Variants in SSC5D observed in about 807,000 individuals in gnomAD.
SSC5D encodes the protein soluble scavenger receptor cysteine-rich domain-containing protein SSC5D.
Under a neutral mutation model 104.6 loss-of-function variants are expected in SSC5D, and 106 were observed. That is an observed-to-expected ratio of 1.01 (90% CI 0.87 to 1.19). The LOEUF (loss-of-function observed/expected upper bound fraction) is 1.19. SSC5D is among the 50% of genes most tolerant of loss of function. The pLI is 0.00. For synonymous variants in SSC5D, 860 were observed against 883.5 expected (o/e 0.97, Z 0.47); for missense variants, 1,993 against 2,153.8 (o/e 0.93, Z 1.48).
intron 7 of SSC5D, 79 bp downstream of exon 7, chr19:55,493,991 G>GGGGGGGGC: frequency 3.3e-6 from 1 of 301,048 alleles, no homozygotes; most frequent in Non-Finnish European, 6.7e-6. Flanking sequence ...CGGGGGCGGG[G>GGGGGGGGC]GGGTCCCTAC....
chr19:55,503,967 C>G lies in SSC5D; in HGVS notation c.2785+2766C>G. 1.4e-6 allele frequency: 1 copy of G among 727,790 alleles called. No homozygotes were observed. The highest frequency in any genetic ancestry group is 2.1e-5 in the South Asian group (1 of 46,874). The allele number at this position is 727,790 out of a possible 1,614,324, so 45.1% of individuals were successfully genotyped here. A position where few individuals can be genotyped will look rare whatever the true frequency, so the allele number is the denominator to read the frequency against. ...GATTGGCCAGCCGGCGCATCGCCCGCAGTAATAATAGCTGGGCGAAGGGCA... is the reference window on the plus strand; with the variant it reads ...GATTGGCCAGCCGGCGCATCGCCCGGAGTAATAATAGCTGGGCGAAGGGCA... On this transcript the variant is annotated intron_variant, in intron 12 of 13. Coordinates refer to ENST00000389623, the MANE Select transcript of SSC5D (RefSeq NM_001144950.2). This position sits in a 1 kb window ranked among gnomAD's most constrained non-coding sequence, Gnocchi z 4.0.
chr19:55,518,606 C>G lies in SSC5D; in HGVS notation c.4330C>G (p.Pro1444Ala). ...TGTGTCCCCTGACCCCCTCCTTTCC[C>G]CCACAGCCCACCCCTTGGATCATCC... ...LTVSPDPLLS[P>A]TAHPLDHPPL... The change falls in exon 14 of 14, where the codon CCC (proline) becomes GCC (alanine). Residue 1444 changes from proline to alanine, a missense_variant. Coordinates refer to ENST00000389623, the MANE Select transcript of SSC5D (RefSeq NM_001144950.2). 1 of 1,530,774 alleles carries G rather than the reference C, an allele frequency of 6.5e-7. No individual in the cohort carries two copies. Among genetic ancestry groups the G allele is most frequent in the Non-Finnish European group, 8.8e-7 (1 of 1,136,366 alleles). 94.8% of individuals were successfully genotyped at this position (1,530,774 alleles called of 1,614,324 possible). A position where few individuals can be genotyped will look rare whatever the true frequency, so the allele number is the denominator to read the frequency against.
At chr19:55,514,472 G>C (rs1033450132) in intron 13 of SSC5D, among the ~76,000 whole-genome samples, 3 of 146,118 alleles carry the variant, frequency 2.1e-5, no homozygotes, top group African/African-American at 7.6e-5. Flanking sequence ...GTGGTGGCAG[G>C]CGCCTGTAAT....
intron 8 of SSC5D, 79 bp downstream of exon 8, chr19:55,494,862 G>A (rs1012978959): frequency 2.8e-6 from 4 of 1,421,630 alleles, no homozygotes; most frequent in Non-Finnish European, 2.8e-6. Context: ...TGTCTCATGG[G>A]GGGCCTCTTG....
chr19:55,493,031 C>T (rs188424681), intron 6 of SSC5D, among the ~76,000 whole-genome samples: 1 of 151,866 alleles, frequency 6.6e-6, no homozygotes, highest in Non-Finnish European at 1.5e-5. Context: ...TCCCCTCCCC[C>T]CAAAAATAAA....
At chr19:55,505,642 AT>A (rs1382314245) in intron 12 of SSC5D, among the ~76,000 whole-genome samples, 1 of 151,684 alleles carries the variant, frequency 6.6e-6, no homozygotes, top group Non-Finnish European at 1.5e-5. Context: ...TTGTGGCTCC[AT>A]CCCCCATCAT....
At chr19:55,504,346 G>C in intron 12 of SSC5D, 3 of 1,403,578 alleles carry the variant, frequency 2.1e-6, no homozygotes, top group South Asian at 3.2e-5. Context: ...TGAAAAGACA[G>C]CCATGTGTGC....
chr19:55,500,573 G>A lies in SSC5D; in HGVS notation c.2386G>A (p.Val796Met). The A allele has an allele frequency of 6.4e-7, 1 of 1,551,734 alleles. No individual in the cohort carries two copies. The highest frequency in any genetic ancestry group is 1.2e-5 in the South Asian group (1 of 84,064). ...GTGGCATGCCGGACGCTGGGGAACAGTGTGTGATGACAACTGGGACCTGCG... is the reference window on the plus strand; with the variant it reads ...GTGGCATGCCGGACGCTGGGGAACAATGTGTGATGACAACTGGGACCTGCG... ...EVWHAGRWGTVCDDNWDLRDA... is the reference protein window; with the variant it reads ...EVWHAGRWGTMCDDNWDLRDA... The change falls in exon 11 of 14, where the codon GTG (valine) becomes ATG (methionine). Residue 796 changes from valine to methionine, a missense_variant. Val to Met is a conservative substitution (Grantham distance 21). Coordinates refer to ENST00000389623, the MANE Select transcript of SSC5D (RefSeq NM_001144950.2). This position sits in a 1 kb window ranked among gnomAD's most constrained non-coding sequence, Gnocchi z 4.6.
At chr19:55,501,461 C>T (rs1987502487) in intron 12 of SSC5D, among the ~76,000 whole-genome samples, 1 of 152,202 alleles carries the variant, frequency 6.6e-6, no homozygotes, top group African/African-American at 2.4e-5. Context: ...GTAAGCCACA[C>T]AATATGCAAG....
chr19:55,511,156 T>A (rs1387174810), intron 12 of SSC5D, among the ~76,000 whole-genome samples: 2 of 152,200 alleles, frequency 1.3e-5, no homozygotes, highest in African/African-American at 4.8e-5. Context: ...TTTTAAGGTG[T>A]CTAATAGAAA....
chr19:55,518,120 C>A lies in SSC5D; in HGVS notation c.3844C>A (p.His1282Asn). The A allele has an allele frequency of 6.8e-7, 1 of 1,461,080 alleles. No homozygotes were observed. Among genetic ancestry groups the A allele is most frequent in the Non-Finnish European group, 9.2e-7 (1 of 1,084,722 alleles). The allele number at this position is 1,461,080 out of a possible 1,614,324, so 90.5% of individuals were successfully genotyped here. The change falls in exon 14 of 14, where the codon CAC becomes AAC. Residue 1282 changes from histidine to asparagine, a missense_variant. Physicochemically the swap from His to Asn is moderately conservative, Grantham distance 68. Transcript: ENST00000389623. ...TTMPHPTTTPHPTTTPHPTTT... is the reference protein window; with the variant it reads ...TTMPHPTTTPNPTTTPHPTTT... Reference sequence around the variant, plus strand: ...GATGCCTCATCCCACCACGACCCCTCACCCCACCACGACTCCTCACCCCAC... The same window carrying A: ...GATGCCTCATCCCACCACGACCCCTAACCCCACCACGACTCCTCACCCCAC...
intron 13 of SSC5D, among the ~76,000 whole-genome samples, chr19:55,514,141 G>C (rs1221431886): frequency 2.0e-5 from 3 of 152,184 alleles, no homozygotes; most frequent in Middle Eastern, 3.4e-3. Flanking sequence ...TGCAATGGCT[G>C]ACGCCTGTAA....
In SSC5D at chr19:55,500,270, C is replaced by T. The variant is rs558960209; in HGVS notation, c.2160C>T (p.Gly720=). ...TKTMAMLTTQ[G]PQEMTSESTI... Reference sequence around the variant, plus strand: ...CCATGGCAATGCTGACCACTCAAGGCCCCCAAGAAATGACCTCTGAGTCCA... The same window carrying T: ...CCATGGCAATGCTGACCACTCAAGGTCCCCAAGAAATGACCTCTGAGTCCA... Residue 720 remains glycine (G), a synonymous_variant, in exon 10 of 14, where the codon GGC becomes GGT. Transcript: ENST00000389623. This position sits in a 1 kb window ranked among gnomAD's most constrained non-coding sequence, Gnocchi z 4.6. The T allele has an allele frequency of 8.4e-6, 13 of 1,551,510 alleles. No homozygotes were observed. Among genetic ancestry groups the T allele is most frequent in the Admixed American group, 2.0e-5 (1 of 50,984 alleles).
chr19:55,494,487 C>T (rs546397291), intron 7 of SSC5D, 123 bp from the exon 8 acceptor site: 32 of 1,120,446 alleles, frequency 2.9e-5, no homozygotes, highest in African/African-American at 6.3e-5. Flanking sequence ...GGAGGAGGTT[C>T]GGCAGGAAGA....
In SSC5D at chr19:55,497,995, AGC is replaced by A; in HGVS notation, c.1504_1505del (p.Ala502CysfsTer32). ...ACGATAGCTGGGACATGCGGGATTC[AGC>A]TGTGGTCTGCCGGGAGCTGGGCTGT... The part of the protein sequence containing the change: ...CDDSWDMRDS[A>X]VVCRELGCGG... On this transcript the variant is annotated frameshift_variant, in exon 9 of 14. Transcript: ENST00000389623. LOFTEE classifies it high-confidence loss of function. The A allele has an allele frequency of 1.3e-6, 2 of 1,551,808 alleles. No individual in the cohort carries two copies. The highest frequency in any genetic ancestry group is 1.7e-6 in the Non-Finnish European group (2 of 1,147,014).
rs766118244 is a variant in SSC5D at position 55,500,779 on chromosome 19, G to A, written c.2592G>A (p.Glu864=). ...GGGGGAAGCACAACTGTGACCACGA[G>A]GAAGACGTGGGGCTCACCTGCACTG... ...GAWGKHNCDH[E]EDVGLTCTGY... Residue 864 remains glutamate (E), a synonymous_variant, in exon 11 of 14, where the codon GAG becomes GAA. Transcript: ENST00000389623. The surrounding 1 kb of genome is among the most constrained non-coding windows in gnomAD (Gnocchi z 4.6). 1.3e-6 allele frequency: 2 copies of A among 1,550,790 alleles called. No individual in the cohort carries two copies. Among genetic ancestry groups the A allele is most frequent in the Non-Finnish European group, 1.7e-6 (2 of 1,146,322 alleles).
intron 1 of SSC5D, 27 bp from the exon 2 acceptor site, chr19:55,488,979 T>C: frequency 9.0e-7 from 1 of 1,109,332 alleles, no homozygotes; most frequent in Non-Finnish European, 1.1e-6. Context: ...CCCCTCACAC[T>C]GCCCCACCCT....
At chr19:55,494,257 A>G (rs1374692703) in intron 7 of SSC5D, among the ~76,000 whole-genome samples, 2 of 152,082 alleles carry the variant, frequency 1.3e-5, no homozygotes, top group African/African-American at 4.8e-5. Context: ...TCCAGCCCCA[A>G]ATGGAAACAG....
At chr19:55,514,344 G>A (rs941562706) in intron 13 of SSC5D, among the ~76,000 whole-genome samples, 8 of 151,592 alleles carry the variant, frequency 5.3e-5, no homozygotes, top group Admixed American at 5.3e-4. Context: ...GGCAGAGCTT[G>A]CAGTGAGCCG....
Sources: allele counts gnomAD v4.1 joint callset (sites outside exome capture counted in the v4.1 genomes callset), GRCh38; gene constraint gnomAD v4.1.1; non-coding constraint Gnocchi (gnomAD v3.1); transcripts MANE v1.5; gene names NCBI Gene and HGNC (gene_info 2026-07-23, HGNC 2026-07-21).